The following ADAMTSL1 variants were observed in gnomAD, a reference collection of about 807,000 sequenced individuals.
ADAMTSL1 encodes ADAMTS-like protein 1.
In ADAMTSL1, 126 loss-of-function variants were observed where a neutral mutation model predicts 201.8. That is an observed-to-expected ratio of 0.62 (90% confidence interval 0.54 to 0.72). The LOEUF is 0.72. Ranked by LOEUF, ADAMTSL1 falls within the 30% of genes least tolerant of loss-of-function variation. ADAMTSL1 has a pLI of 0.00. For missense variants in ADAMTSL1, 2,679 were observed against 2,277.8 expected (o/e 1.18, Z -3.59); for synonymous variants, 1,121 against 903.4 (o/e 1.24, Z -4.32).
intron 4 of ADAMTSL1, among the ~76,000 whole-genome samples, chr9:18,597,961 C>G (rs1051765259): frequency 6.6e-6 from 1 of 152,126 alleles, no homozygotes; most frequent in African/African-American, 2.4e-5. Flanking sequence ...ATCTCTATTG[C>G]CTCTTTGGTT....
Position 18,680,513 on chromosome 9 carries a change from T to C in ADAMTSL1, c.1338T>C (p.Ser446=), listed in dbSNP as rs765885811. Residue 446 remains serine (S), a synonymous_variant, in exon 11 of 29, where the codon TCT becomes TCC. Coordinates refer to ENST00000380548, the MANE Select transcript of ADAMTSL1 (RefSeq NM_001040272.6). ...DCPKWLAQEW[S]PCTVTCGQGL... is the part of the protein sequence containing the mutation. ...CTAAATGGCTGGCACAGGAGTGGTC[T>C]CCGGTAACTGTGCCTTCTTTCTTTG... 1 of 1,614,060 alleles carries C rather than the reference T, an allele frequency of 6.2e-7. No homozygotes were observed. Among genetic ancestry groups the C allele is most frequent in the Non-Finnish European group, 8.5e-7 (1 of 1,179,966 alleles).
At chr9:18,169,760 T>G (rs1458419564) in intron 2 of ADAMTSL1, among the ~76,000 whole-genome samples, 2 of 152,164 alleles carry the variant, frequency 1.3e-5, no homozygotes, top group Admixed American at 1.3e-4. Context: ...CCCATGAGCA[T>G]GGAATGTTCT....
rs7859279 is a variant in ADAMTSL1 at position 18,349,345 on chromosome 9, C to A, written c.208-155484C>A. Among the ~76,000 whole-genome samples, 7 of 151,854 alleles carry A rather than the reference C, an allele frequency of 4.6e-5. No individual in the cohort carries two copies. In the East Asian group the frequency reaches 7.7e-4, roughly 17 times the overall value. On this transcript the variant is annotated intron_variant, in intron 2 of 29. Coordinates refer to the ADAMTSL1 transcript ENST00000680146. ...TTTATGGCTGCCTTTAAATGACTCC[C>A]CAGAACACGTAGGTAGCTGTGTAGC...
chr9:18,428,318 A>G (rs1819319493), intron 2 of ADAMTSL1, among the ~76,000 whole-genome samples: 1 of 151,690 alleles, frequency 6.6e-6, no homozygotes, highest in Non-Finnish European at 1.5e-5. Context: ...GCCATCCCAC[A>G]TCTATCAGTG....
At chr9:18,517,072 A>T (rs191915245) in intron 2 of ADAMTSL1, among the ~76,000 whole-genome samples, 48 of 152,312 alleles carry the variant, frequency 3.2e-4, no homozygotes, top group Non-Finnish European at 6.6e-4. Flanking sequence ...CAAGGGGAAG[A>T]TGGAAAAGTT....
intron 1 of ADAMTSL1, among the ~76,000 whole-genome samples, chr9:18,016,232 C>T (rs1414670849): frequency 1.3e-5 from 2 of 152,016 alleles, no homozygotes; most frequent in South Asian, 2.1e-4. Context: ...ATTTAGGACT[C>T]AAGTATCTGT....
chr9:18,695,137 C>G (rs1831475440), intron 13 of ADAMTSL1, among the ~76,000 whole-genome samples: 1 of 152,208 alleles, frequency 6.6e-6, no homozygotes, highest in African/African-American at 2.4e-5. Context: ...TGGGCCTGGC[C>G]CATAAAACCA....
intron 16 of ADAMTSL1, among the ~76,000 whole-genome samples, chr9:18,761,773 T>G (rs1820084042): frequency 6.6e-6 from 1 of 152,204 alleles, no homozygotes; most frequent in African/African-American, 2.4e-5. Context: ...TTTTTAAAAT[T>G]TCTAAAAATG....
intron 2 of ADAMTSL1, among the ~76,000 whole-genome samples, chr9:18,366,107 A>G (rs981852909): frequency 2.0e-5 from 3 of 152,054 alleles, no homozygotes; most frequent in African/African-American, 7.2e-5. Flanking sequence ...AAATAGTAAT[A>G]ATGATATAAT....
chr9:18,534,073 G>A (rs1819609942), intron 3 of ADAMTSL1, among the ~76,000 whole-genome samples: 1 of 152,106 alleles, frequency 6.6e-6, no homozygotes, highest in Admixed American at 6.5e-5. Context: ...ATATTTTTGA[G>A]GTTATATCAT....
chr9:17,917,209 G>A (rs1166971577), intron 1 of ADAMTSL1, among the ~76,000 whole-genome samples: 1 of 152,048 alleles, frequency 6.6e-6, no homozygotes, highest in East Asian at 1.9e-4. Flanking sequence ...TGCAAATAAA[G>A]AGAGTTCTTT....
chr9:18,271,434 T>A (rs1832362460), intron 2 of ADAMTSL1, among the ~76,000 whole-genome samples: 2 of 152,186 alleles, frequency 1.3e-5, no homozygotes, highest in African/African-American at 4.8e-5. Flanking sequence ...TGTTTGGTTT[T>A]TTGTCCTTGT....
chr9:18,482,355 A>G (rs1821771555), intron 1 of ADAMTSL1, among the ~76,000 whole-genome samples: 1 of 152,198 alleles, frequency 6.6e-6, no homozygotes, highest in Non-Finnish European at 1.5e-5. Flanking sequence ...TGCCAATTCT[A>G]CACTACATTA....
intron 1 of ADAMTSL1, among the ~76,000 whole-genome samples, chr9:18,092,226 T>C (rs1219399797): frequency 6.6e-6 from 1 of 152,026 alleles, no homozygotes; most frequent in Non-Finnish European, 1.5e-5. Flanking sequence ...GACAGACATA[T>C]AAAAAGGCAA....
intron 2 of ADAMTSL1, among the ~76,000 whole-genome samples, chr9:18,319,254 C>G (rs1311666909): frequency 1.3e-5 from 2 of 152,054 alleles, no homozygotes; most frequent in South Asian, 2.1e-4. Context: ...AGCAGCATGC[C>G]TTTAATAACA....
intron 13 of ADAMTSL1, among the ~76,000 whole-genome samples, chr9:18,699,782 A>G (rs899828522): frequency 6.6e-6 from 1 of 152,186 alleles, no homozygotes; most frequent in African/African-American, 2.4e-5. Flanking sequence ...CAGGATCATT[A>G]TATTTTTGAT....
intron 1 of ADAMTSL1, among the ~76,000 whole-genome samples, chr9:18,142,850 G>T (rs967971769): frequency 6.6e-6 from 1 of 152,188 alleles, no homozygotes; most frequent in Non-Finnish European, 1.5e-5. Context: ...CAGGGATAGA[G>T]TTCAAATCCT....
At chr9:18,561,077 C>T (rs1444876809) in intron 3 of ADAMTSL1, among the ~76,000 whole-genome samples, 1 of 151,784 alleles carries the variant, frequency 6.6e-6, no homozygotes, top group Non-Finnish European at 1.5e-5. Flanking sequence ...GTTTTGAAAT[C>T]CGTTCCTGTT....
intron 23 of ADAMTSL1, among the ~76,000 whole-genome samples, chr9:18,880,619 C>G (rs1412821253): frequency 1.3e-5 from 2 of 152,168 alleles, no homozygotes; most frequent in Non-Finnish European, 2.9e-5. Context: ...TGCTGTCATC[C>G]AGGCTTTGTT....
Sources: gnomAD v4.1 joint callset for allele counts (sites outside exome capture counted in the v4.1 genomes callset) on GRCh38, gnomAD v4.1.1 for gene constraint, MANE v1.5 for transcripts, NCBI Gene and HGNC (gene_info 2026-07-23, HGNC 2026-07-21) for gene names.